The following TNK2 variants were observed in gnomAD, a reference collection of about 807,000 sequenced individuals.
TNK2 encodes the protein tyrosine kinase non receptor 2.
In TNK2, 83 loss-of-function variants were observed where a neutral mutation model predicts 101.8. The ratio of observed to expected loss-of-function variants is 0.82; its 90% confidence interval spans 0.68 to 0.98. The LOEUF (loss-of-function observed/expected upper bound fraction) is 0.98. Ranked by LOEUF, TNK2 falls within the 50% of genes least tolerant of loss-of-function variation. The pLI is 0.00. For missense variants in TNK2, 1,665 were observed against 1,483.2 expected (o/e 1.12, Z -2.01); for synonymous variants, 804 against 633.0 (o/e 1.27, Z -4.06).
intron 12 of TNK2, chr3:195,869,188 A>G: frequency 1.8e-6 from 1 of 566,238 alleles, no homozygotes; most frequent in Non-Finnish European, 3.2e-6. Flanking sequence ...CAGCGCCTGC[A>G]GGTCTGGGAG....
rs1325773764 is a variant in TNK2 at position 195,886,692 on chromosome 3, A to G, written c.234+285T>C. 6.6e-6 allele frequency among the ~76,000 whole-genome samples: 1 copy of G among 152,118 alleles called. No individual in the cohort carries two copies. Among genetic ancestry groups the G allele is most frequent in the Non-Finnish European group, 1.5e-5 (1 of 68,018 alleles). ...ACACAGCAGGGCTAAGTTAAGGCAC[A>G]CTTGTCAATGAGGTCCTGTTCCAGG... is the stretch of plus-strand genomic sequence containing the variant. On this transcript the variant is annotated intron_variant, in intron 3 of 15. Coordinates refer to ENST00000672887, the MANE Select transcript of TNK2 (RefSeq NM_001382273.1). The surrounding 1 kb of genome is among the most constrained non-coding windows in gnomAD (Gnocchi z 4.2).
At position 195,885,369 on chromosome 3, in the gene TNK2, C is replaced by T; in HGVS notation, c.235-336G>A. 7.3e-7 allele frequency: 1 copy of T among 1,367,324 alleles called. No individual in the cohort carries two copies. Among genetic ancestry groups the T allele is most frequent in the Non-Finnish European group, 9.6e-7 (1 of 1,043,398 alleles). 84.7% of individuals were successfully genotyped at this position (1,367,324 alleles called of 1,614,324 possible). Reference sequence around the variant, plus strand: ...GGAGTCTCCTCCCAGTCCTGCCCCACCCTCCCTTCCTGCACCCGCCACCCC... The same window carrying T: ...GGAGTCTCCTCCCAGTCCTGCCCCATCCTCCCTTCCTGCACCCGCCACCCC... On this transcript the variant is annotated intron_variant, in intron 3 of 15. Transcript: ENST00000672887. The surrounding 1 kb of genome is among the most constrained non-coding windows in gnomAD (Gnocchi z 4.7).
Position 195,882,591 on chromosome 3 carries a change from C to T in TNK2, c.610-263G>A, listed in dbSNP as rs759481612. On this transcript the variant is annotated intron_variant, in intron 5 of 15. Transcript: ENST00000672887. This position sits in a 1 kb window ranked among gnomAD's most constrained non-coding sequence, Gnocchi z 4.2. ...TCCAAAACTCAGCTGGACGTGGTGG[C>T]TCACGCCTGTAATCCCAGCACTTTG... 8.0e-5 allele frequency: 114 copies of T among 1,424,314 alleles called. No homozygotes were observed. Among genetic ancestry groups the T allele is most frequent in the Non-Finnish European group, 1.0e-4 (111 of 1,062,974 alleles). 88.2% of individuals were successfully genotyped at this position (1,424,314 alleles called of 1,614,324 possible).
At chr3:195,904,298 T>C (rs1043235271) in intron 1 of TNK2, among the ~76,000 whole-genome samples, 1 of 149,316 alleles carries the variant, frequency 6.7e-6, no homozygotes, top group African/African-American at 2.5e-5. Flanking sequence ...GCAATCCAAG[T>C]AAATGGATAA....
intron 1 of TNK2, among the ~76,000 whole-genome samples, chr3:195,907,237 G>A (rs1469384567): frequency 1.3e-5 from 2 of 152,224 alleles, no homozygotes; most frequent in Non-Finnish European, 2.9e-5. Flanking sequence ...GGGCACAGCA[G>A]CTGAACTTCC....
rs951754632 is a variant in TNK2, at chr3:195,891,943, A to G, written c.-18-3337T>C. ...TCAGCTGTGCACTCCATGCTCCCTGACCCAGCAACAGCGCAGCTCTGCACA... is the reference window on the plus strand; with the variant it reads ...TCAGCTGTGCACTCCATGCTCCCTGGCCCAGCAACAGCGCAGCTCTGCACA... On this transcript the variant is annotated intron_variant, in intron 1 of 15. Coordinates refer to ENST00000672887, the MANE Select transcript of TNK2 (RefSeq NM_001382273.1). The G allele has an allele frequency of 3.0e-6, 3 of 990,020 alleles. No homozygotes were observed. In the African/African-American group the frequency reaches 5.2e-5, roughly 17 times the overall value. The allele number at this position is 990,020 out of a possible 1,614,324, so 61.3% of individuals were successfully genotyped here. A position where few individuals can be genotyped will look rare whatever the true frequency, so the allele number is the denominator to read the frequency against.
chr3:195,895,492 C>G, intron 1 of TNK2: 1 of 1,358,480 alleles, frequency 7.4e-7, no homozygotes, highest in South Asian at 1.8e-5. Flanking sequence ...GCCGGGTGGT[C>G]GCGCCCCTCC....
chr3:195,871,253 C>A (rs1015009357), intron 10 of TNK2, among the ~76,000 whole-genome samples: 1 of 152,092 alleles, frequency 6.6e-6, no homozygotes, highest in South Asian at 2.1e-4. Context: ...TTCCCAGATG[C>A]CCCTCGGTGG....
chr3:195,868,780 G>A (rs1032794648), intron 12 of TNK2, 71 bp from the exon 13 acceptor site: 105 of 1,459,026 alleles, frequency 7.2e-5, no homozygotes, highest in Non-Finnish European at 7.6e-5. Flanking sequence ...GAGGTGGCAC[G>A]TGGGAGAGAA....
chr3:195,869,973 A>C, intron 11 of TNK2, 141 bp downstream of exon 11: 1 of 662,096 alleles, frequency 1.5e-6, no homozygotes, highest in East Asian at 2.9e-5. Context: ...AGCCGGAGCC[A>C]GGGACACAGC....
intron 1 of TNK2, among the ~76,000 whole-genome samples, chr3:195,891,434 C>T (rs1035844907): frequency 6.6e-6 from 1 of 152,248 alleles, no homozygotes; most frequent in East Asian, 1.9e-4. Flanking sequence ...AACACTTCAA[C>T]TGCACTTACT....
chr3:195,873,402 G>A (rs1447584191), intron 9 of TNK2, among the ~76,000 whole-genome samples: 1 of 152,176 alleles, frequency 6.6e-6, no homozygotes, highest in Admixed American at 6.5e-5. Flanking sequence ...ACGTGATGCC[G>A]TGAGCAGAGT....
chr3:195,882,036 G>A lies in TNK2; in HGVS notation c.887+15C>T. The A allele has an allele frequency of 6.2e-7, 1 of 1,600,634 alleles. No homozygotes were observed. Among genetic ancestry groups the A allele is most frequent in the Non-Finnish European group, 8.5e-7 (1 of 1,170,920 alleles). ...TCTGCAGGGACTCTGTGAGCTGGCA[G>A]CACCTGCCCCTCACCAGGCGAAGGG... On this transcript the variant is annotated intron_variant, in intron 6 of 15. Coordinates refer to ENST00000672887, the MANE Select transcript of TNK2 (RefSeq NM_001382273.1). The surrounding 1 kb of genome is among the most constrained non-coding windows in gnomAD (Gnocchi z 4.2).
At chr3:195,875,679 G>A (rs1748722729) in intron 9 of TNK2, among the ~76,000 whole-genome samples, 1 of 152,120 alleles carries the variant, frequency 6.6e-6, no homozygotes, top group Admixed American at 6.5e-5. Flanking sequence ...GCCATGAACA[G>A]GCCGGAGTCC....
chr3:195,870,181 G>A lies in TNK2; in HGVS notation c.1476C>T (p.Asp492=), dbSNP rs775825907. ...GTTCCACGCTCAGGAGGTCGGGGGG[G>A]TCCATGGGGTTTCCCAGATACAGTC... The part of the protein sequence containing the change: ...IDELYLGNPM[D]PPDLLSVELS... Residue 492 remains aspartate (D), a synonymous_variant, in exon 11 of 16, where the codon GAC becomes GAT. Transcript: ENST00000672887. 27 of 1,520,120 alleles carry A rather than the reference G, an allele frequency of 1.8e-5. No homozygotes were observed. The highest frequency in any genetic ancestry group is 2.5e-5 in the East Asian group (1 of 39,920). 94.2% of individuals were successfully genotyped at this position (1,520,120 alleles called of 1,614,324 possible). A position where few individuals can be genotyped will look rare whatever the true frequency, so the allele number is the denominator to read the frequency against.
chr3:195,878,838 C>CCCA lies in TNK2; in HGVS notation c.1014+210_1014+211insTGG, dbSNP rs1750843564. On this transcript the variant is annotated intron_variant, in intron 7 of 15. Transcript: ENST00000672887. The surrounding 1 kb of genome is among the most constrained non-coding windows in gnomAD (Gnocchi z 4.7). ...GGGCAGGCCCCAGCTTTTCCCTCCCCGTCTCTTTGCTGGGCTCTCCCTGAG... is the reference window on the plus strand; with the variant it reads ...GGGCAGGCCCCAGCTTTTCCCTCCCCCCAGTCTCTTTGCTGGGCTCTCCCTGAG... Among the ~76,000 whole-genome samples the CCCA allele has an allele frequency of 6.6e-6, 1 of 152,192 alleles. No homozygotes were observed. The highest frequency in any genetic ancestry group is 2.4e-5 in the African/African-American group (1 of 41,448).
chr3:195,884,632 A>T, intron 4 of TNK2, 180 bp downstream of exon 4: 1 of 603,858 alleles, frequency 1.7e-6, no homozygotes, highest in Admixed American at 3.2e-5. Flanking sequence ...CGACAGAGCG[A>T]GACTCCATCT....
At chr3:195,895,587 G>C (rs1436644234) in intron 1 of TNK2, 26 of 1,311,776 alleles carry the variant, frequency 2.0e-5, no homozygotes, top group Non-Finnish European at 2.3e-5. Context: ...CCCTCTCCCA[G>C]TGAGCCAGCT....
At chr3:195,890,526 T>C (rs950812290) in intron 1 of TNK2, among the ~76,000 whole-genome samples, 33 of 150,282 alleles carry the variant, frequency 2.2e-4, no homozygotes, top group Admixed American at 9.9e-4. Flanking sequence ...TCTTGGCTCA[T>C]TGCAAACTCA....
Sources: allele counts gnomAD v4.1 joint callset (sites outside exome capture counted in the v4.1 genomes callset), GRCh38; gene constraint gnomAD v4.1.1; non-coding constraint Gnocchi (gnomAD v3.1); transcripts MANE v1.5; gene names NCBI Gene and HGNC (gene_info 2026-07-23, HGNC 2026-07-21).